The following FRAS1 variants were observed in gnomAD, a reference collection of about 807,000 sequenced individuals.
The protein encoded by FRAS1 is Fraser extracellular matrix complex subunit 1.
FRAS1 carries 290 observed loss-of-function variants against 435.2 expected under a neutral mutation model. The ratio of observed to expected loss-of-function variants is 0.67; its 90% CI spans 0.61 to 0.73. FRAS1 has a LOEUF of 0.73. Among genes scored for constraint, FRAS1 ranks in the 30% least tolerant of loss-of-function variants. The probability of loss-of-function intolerance (pLI) is 0.00; values close to 1 mark genes in which losing one functional copy is unlikely to be tolerated. For missense variants in FRAS1, 4,860 were observed against 5,001.5 expected, an observed-to-expected ratio of 0.97 and a Z score of 0.85; for synonymous variants, 1,800 against 1,851.0, an observed-to-expected ratio of 0.97 and a Z score of 0.71.
At chr4:78,393,972 A>G (rs534698732) in intron 29 of FRAS1, among the ~76,000 whole-genome samples, 1 of 151,966 alleles carries the variant, frequency 6.6e-6, no homozygotes, top group East Asian at 1.9e-4. Context: ...TCTCATGATT[A>G]TGTATGCTTT....
chr4:78,346,195 A>G (rs746355580), intron 20 of FRAS1, among the ~76,000 whole-genome samples: 1 of 152,236 alleles, frequency 6.6e-6, no homozygotes, highest in African/African-American at 2.4e-5. Flanking sequence ...TTAATAGGTA[A>G]AAACAGTGAA....
At chr4:78,415,893 G>A (rs1733534996) in intron 32 of FRAS1, among the ~76,000 whole-genome samples, 1 of 151,896 alleles carries the variant, frequency 6.6e-6, no homozygotes, top group African/African-American at 2.4e-5. Context: ...AAACAAACAG[G>A]CTATTGCAGT....
rs1369534530 is a variant in FRAS1, at chr4:78,513,400, T to G, written c.10022T>G (p.Ile3341Ser). ...KHKEHPNRIHISVQIPHQDGM... is the reference protein window; with the variant it reads ...KHKEHPNRIHSSVQIPHQDGM... Reference sequence around the variant, plus strand: ...TGCCTTTTTCCCCCTAGAATCCACATTTCGGTGCAGATCCCACACCAGGAT... The same window carrying G: ...TGCCTTTTTCCCCCTAGAATCCACAGTTCGGTGCAGATCCCACACCAGGAT... The change falls in exon 65 of 74, where the codon ATT (isoleucine) becomes AGT (serine). Residue 3341 changes from isoleucine (I) to serine (S), a missense_variant. By Grantham distance (142) the Ile-to-Ser change is moderately radical. Transcript: ENST00000512123. 1 of 1,613,840 alleles carries G rather than the reference T, an allele frequency of 6.2e-7. No individual in the cohort carries two copies. The highest frequency in any genetic ancestry group is 1.1e-5 in the South Asian group (1 of 91,050).
intron 4 of FRAS1, among the ~76,000 whole-genome samples, chr4:78,251,406 A>T (rs998391250): frequency 2.6e-5 from 4 of 152,226 alleles, no homozygotes; most frequent in Admixed American, 2.6e-4. Flanking sequence ...ACAAATGAAG[A>T]TCAAATATAG....
At position 78,521,591 on chromosome 4, in the gene FRAS1, C is replaced by A. The variant is rs779521854; in HGVS notation, c.10609C>A (p.Arg3537Ser). 6.2e-7 allele frequency: 1 copy of A among 1,610,584 alleles called. No individual in the cohort carries two copies. Among genetic ancestry groups the A allele is most frequent in the Non-Finnish European group, 8.5e-7 (1 of 1,178,276 alleles). The change falls in exon 68 of 74, where the codon CGT becomes AGT. Residue 3537 changes from arginine (R) to serine (S), a missense_variant. Physicochemically the swap from Arg to Ser is moderately radical, Grantham distance 110. Transcript: ENST00000512123. ...IIRIYIREDG[R>S]LVIEFKTHAK... is the part of the protein sequence containing the mutation. ...AAGAATCTACATTCGAGAGGATGGC[C>A]GTCTTGTCATTGAATTCAAGACCCA...
intron 2 of FRAS1, among the ~76,000 whole-genome samples, chr4:78,095,562 G>C (rs950652007): frequency 6.6e-6 from 1 of 152,200 alleles, no homozygotes; most frequent in Non-Finnish European, 1.5e-5. Context: ...GGAAGAAAAA[G>C]AGGTTTTAAT....
chr4:78,472,718 G>C (rs1369837759), intron 52 of FRAS1, among the ~76,000 whole-genome samples: 2 of 152,126 alleles, frequency 1.3e-5, no homozygotes, highest in Non-Finnish European at 2.9e-5. Context: ...TGTTCTCTAA[G>C]GATTATAGAC....
intron 14 of FRAS1, among the ~76,000 whole-genome samples, chr4:78,296,303 A>G (rs1375092181): frequency 6.6e-6 from 1 of 151,910 alleles, no homozygotes; most frequent in East Asian, 1.9e-4. Flanking sequence ...AGTTTTCAGA[A>G]TATGTGGAGA....
At chr4:78,149,148 T>C (rs1720542151) in intron 2 of FRAS1, among the ~76,000 whole-genome samples, 1 of 152,136 alleles carries the variant, frequency 6.6e-6, no homozygotes, top group South Asian at 2.1e-4. Flanking sequence ...AGCATGATCC[T>C]GGAAATGGCA....
chr4:78,098,095 A>G (rs571565832), intron 2 of FRAS1, among the ~76,000 whole-genome samples: 10 of 152,286 alleles, frequency 6.6e-5, no homozygotes, highest in African/African-American at 2.4e-4. Context: ...AAACAAATAC[A>G]AGGATCATAT....
intron 2 of FRAS1, among the ~76,000 whole-genome samples, chr4:78,168,570 T>C (rs1285033103): frequency 9.9e-5 from 15 of 152,006 alleles, no homozygotes; most frequent in Admixed American, 5.9e-4. Context: ...TATTACTGTC[T>C]ACTACCTTTT....
chr4:78,160,777 A>G (rs548110292), intron 2 of FRAS1, among the ~76,000 whole-genome samples: 158 of 152,280 alleles, frequency 1.0e-3, no homozygotes, highest in African/African-American at 2.8e-3. Context: ...CTCATTTTTG[A>G]GATCTTTCAA....
At chr4:78,141,266 A>G (rs1578149477) in intron 2 of FRAS1, among the ~76,000 whole-genome samples, 1 of 152,048 alleles carries the variant, frequency 6.6e-6, no homozygotes, top group Non-Finnish European at 1.5e-5. Flanking sequence ...TCATTGTTCA[A>G]CTTTGGCTTA....
intron 14 of FRAS1, among the ~76,000 whole-genome samples, chr4:78,287,413 A>G (rs1282168032): frequency 6.6e-6 from 1 of 152,162 alleles, no homozygotes. Flanking sequence ...CTTCAGGAGA[A>G]TAGATAATTA....
At chr4:78,483,985 C>G (rs6850657) in intron 58 of FRAS1, among the ~76,000 whole-genome samples, 111,884 of 151,176 alleles carry the variant, frequency 0.74, 42,748 homozygotes, top group East Asian at 1. Context: ...GATATGCTCA[C>G]TACCACAATC....
intron 2 of FRAS1, among the ~76,000 whole-genome samples, chr4:78,147,019 GC>G (rs1170530331): frequency 6.6e-6 from 1 of 151,330 alleles, no homozygotes; most frequent in Non-Finnish European, 1.5e-5. Flanking sequence ...ATATTTTTTT[GC>G]CCCCAGTAGA....
chr4:78,473,803 T>TAC (rs67295795), intron 53 of FRAS1, among the ~76,000 whole-genome samples: 539 of 32,922 alleles, frequency 0.016, 1 homozygote, highest in South Asian at 0.087. Flanking sequence ...TGCATCATCT[T>TAC]ATATAATACT....
intron 2 of FRAS1, among the ~76,000 whole-genome samples, chr4:78,114,841 C>T (rs1743034177): frequency 6.6e-6 from 1 of 152,292 alleles, no homozygotes; most frequent in East Asian, 1.9e-4. Flanking sequence ...TGCCTGATTG[C>T]CCTGGCCAGA....
chr4:78,162,008 A>T (rs17420328), intron 2 of FRAS1, among the ~76,000 whole-genome samples: 14,366 of 152,148 alleles, frequency 0.094, 823 homozygotes, highest in Non-Finnish European at 0.13. Context: ...CCACTTTCCA[A>T]TTCCTAACTC....
Sources: allele counts gnomAD v4.1 joint callset (sites outside exome capture counted in the v4.1 genomes callset), GRCh38; gene constraint gnomAD v4.1.1; transcripts MANE v1.5; gene names NCBI Gene and HGNC (gene_info 2026-07-23, HGNC 2026-07-21).